ARHGAP22: variants seen among roughly 807,000 people sequenced by gnomAD.
ARHGAP22 encodes the protein rho GTPase-activating protein 22.
In ARHGAP22, 48 loss-of-function variants were observed where a neutral mutation model predicts 59.1. The observed-to-expected ratio is 0.81, with a 90% CI of 0.64 to 1.03. ARHGAP22 has a LOEUF of 1.03. Among genes scored for constraint, ARHGAP22 ranks in the 50% least tolerant of loss-of-function variants. The pLI, the probability that ARHGAP22 is intolerant of heterozygous loss-of-function variation, is 0.00. For synonymous variants in ARHGAP22, 445 were observed against 416.4 expected, an observed-to-expected ratio of 1.07 and a Z score of -0.84; for missense variants, 1,015 against 958.7, an observed-to-expected ratio of 1.06 and a Z score of -0.78.
intron 1 of ARHGAP22, among the ~76,000 whole-genome samples, chr10:48,620,332 A>G (rs2061241596): frequency 6.6e-6 from 1 of 151,958 alleles, no homozygotes; most frequent in Non-Finnish European, 1.5e-5. Context: ...CATCTCAGAT[A>G]GGTAGGGCAT....
At chr10:48,642,768 C>T (rs1415048461) in intron 1 of ARHGAP22, among the ~76,000 whole-genome samples, 1 of 152,284 alleles carries the variant, frequency 6.6e-6, no homozygotes, top group African/African-American at 2.4e-5. Flanking sequence ...AGCTCCTGCA[C>T]AGCAAAAGAA....
chr10:48,600,367 C>A (rs1032366399), intron 1 of ARHGAP22, among the ~76,000 whole-genome samples: 1 of 152,110 alleles, frequency 6.6e-6, no homozygotes, highest in Admixed American at 6.5e-5. Context: ...GGAGACGAGC[C>A]AGGGTGACTG....
chr10:48,504,915 A>C (rs894519829), intron 3 of ARHGAP22, among the ~76,000 whole-genome samples: 3 of 151,878 alleles, frequency 2.0e-5, no homozygotes, highest in Non-Finnish European at 2.9e-5. Context: ...ATTGAGAGGA[A>C]ATTTGAGAGC....
intron 3 of ARHGAP22, among the ~76,000 whole-genome samples, chr10:48,536,016 A>G (rs1358398157): frequency 6.6e-6 from 1 of 152,226 alleles, no homozygotes; most frequent in Admixed American, 6.5e-5. Context: ...AGAAAGGCGC[A>G]GGATGGGGCC....
rs761553743 is a variant in ARHGAP22, at chr10:48,604,744, C to A, written c.34+19G>T. Reference sequence around the variant, plus strand: ...AGGCACATGCGGTGCCCAGAGAAACCCCAGAAAGTTGGACTTACCCCTCCT... The same window carrying A: ...AGGCACATGCGGTGCCCAGAGAAACACCAGAAAGTTGGACTTACCCCTCCT... On this transcript the variant is annotated intron_variant, in intron 1 of 9. Coordinates refer to ENST00000249601, the MANE Select transcript of ARHGAP22 (RefSeq NM_021226.4). 6.2e-7 allele frequency: 1 copy of A among 1,614,230 alleles called. No homozygotes were observed. The highest frequency in any genetic ancestry group is 1.7e-5 in the Admixed American group (1 of 60,030).
chr10:48,443,349 GGCGATAGGCCCTCAGA>G (rs1353693419), downstream of ARHGAP22, among the ~76,000 whole-genome samples: 4 of 152,104 alleles, frequency 2.6e-5, no homozygotes, highest in East Asian at 5.8e-4. Flanking sequence ...TCTCACCATG[GGCGATAGGCCCTCAGA>G]GTATCTGGCC....
At chr10:48,463,595 C>T (rs1033107883) in intron 4 of ARHGAP22, among the ~76,000 whole-genome samples, 79 of 152,284 alleles carry the variant, frequency 5.2e-4, no homozygotes, top group African/African-American at 1.9e-3. Context: ...TGGGTAGGGC[C>T]TTCTCCCTGG....
upstream of ARHGAP22, among the ~76,000 whole-genome samples, chr10:48,654,726 C>T (rs370216841): frequency 2.0e-5 from 3 of 152,058 alleles, no homozygotes; most frequent in East Asian, 3.9e-4. Flanking sequence ...GAGAGAGAGA[C>T]AGAGGGAGAG....
At chr10:48,610,743 C>T (rs960726618) in intron 1 of ARHGAP22, among the ~76,000 whole-genome samples, 2 of 152,282 alleles carry the variant, frequency 1.3e-5, no homozygotes, top group South Asian at 2.1e-4. Context: ...ACTGGCGCTC[C>T]GAGCAGATGA....
chr10:48,549,368 G>C (rs1024984300), intron 3 of ARHGAP22, among the ~76,000 whole-genome samples: 4 of 152,134 alleles, frequency 2.6e-5, no homozygotes, highest in African/African-American at 9.7e-5. Context: ...CTTGGGGCTG[G>C]AAGCTAGGTA....
At chr10:48,509,105 T>C (rs1210715408) in intron 3 of ARHGAP22, among the ~76,000 whole-genome samples, 1 of 152,236 alleles carries the variant, frequency 6.6e-6, no homozygotes, top group African/African-American at 2.4e-5. Flanking sequence ...TCCACCCAAC[T>C]GTAGCTGAGC....
chr10:48,491,859 C>G (rs961198595), intron 3 of ARHGAP22, among the ~76,000 whole-genome samples: 1 of 152,214 alleles, frequency 6.6e-6, no homozygotes, highest in Non-Finnish European at 1.5e-5. Context: ...TGTGTATGTA[C>G]CAGGGAACTA....
In ARHGAP22 at chr10:48,475,792, A is replaced by C. The variant is rs146029286; in HGVS notation, c.451+3844T>G. ...ACATGACAGCCAGAAGGATCCTGGTAGAAGATGGGCCAGGTTCTGCCACTT... is the reference window on the plus strand; with the variant it reads ...ACATGACAGCCAGAAGGATCCTGGTCGAAGATGGGCCAGGTTCTGCCACTT... On this transcript the variant is annotated intron_variant, in intron 4 of 9. Transcript: ENST00000249601. Among the ~76,000 whole-genome samples the C allele has an allele frequency of 9.9e-4, 151 of 152,322 alleles. 1 individual carries two copies. Among genetic ancestry groups the C allele is most frequent in the African/African-American group, 3.5e-3 (144 of 41,582 alleles).
chr10:48,530,945 C>G (rs901337049), intron 3 of ARHGAP22, among the ~76,000 whole-genome samples: 12 of 152,146 alleles, frequency 7.9e-5, no homozygotes, highest in Admixed American at 7.9e-4. Flanking sequence ...GAAAGTAAGT[C>G]ATTATATGAA....
chr10:48,564,072 T>C (rs1338968190), intron 2 of ARHGAP22, among the ~76,000 whole-genome samples: 1 of 152,232 alleles, frequency 6.6e-6, no homozygotes, highest in Non-Finnish European at 1.5e-5. Context: ...TCTCATACAC[T>C]TTTGATACAT....
chr10:48,563,187 A>ATTTTTTTTTTTTTTTTTTTT lies in ARHGAP22; in HGVS notation c.235-7657_235-7638dup, dbSNP rs558735630. On this transcript the variant is annotated intron_variant, in intron 2 of 9. Transcript: ENST00000249601. ...AGATCCACTTGGATAATCCAGGATA[A>ATTTTTTTTTTTTTTTTTTTT]TTTTTTTTTTTTTTTTTTTTTTTTG... Among the ~76,000 whole-genome samples the ATTTTTTTTTTTTTTTTTTTT allele has an allele frequency of 1.9e-5, 2 of 104,214 alleles. 1 individual carries two copies. The highest frequency in any genetic ancestry group is 3.7e-5 in the Non-Finnish European group (2 of 54,516). The allele number at this position is 104,214 out of a possible 152,430, so 68.4% of individuals were successfully genotyped here.
Position 48,583,137 on chromosome 10 carries a change from A to G in ARHGAP22, c.50T>C (p.Leu17Pro). 6.2e-7 allele frequency: 1 copy of G among 1,614,024 alleles called. No homozygotes were observed. ...RQARRARSKS[L>P]VMGEQSRSPG... ...GCTCCGGCTCTGCTCCCCCATCACTAGGCTTTTGGAGCGGGCTGAAAGCCA... is the reference window on the plus strand; with the variant it reads ...GCTCCGGCTCTGCTCCCCCATCACTGGGCTTTTGGAGCGGGCTGAAAGCCA... Residue 17 changes from leucine (L) to proline (P), a missense_variant, in exon 2 of 10, where the codon CTA becomes CCA. Physicochemically the swap from Leu to Pro is moderately conservative, Grantham distance 98. Coordinates refer to ENST00000249601, the MANE Select transcript of ARHGAP22 (RefSeq NM_021226.4).
Position 48,454,177 on chromosome 10 carries a change from C to A in ARHGAP22, c.793-16G>T. The A allele has an allele frequency of 1.2e-6, 2 of 1,611,414 alleles. No individual in the cohort carries two copies. The highest frequency in any genetic ancestry group is 1.7e-5 in the Admixed American group (1 of 60,020). On this transcript the variant is annotated splice_polypyrimidine_tract_variant and intron_variant, in intron 6 of 9. Transcript: ENST00000249601. ...CCAGAGTGCCCTTAGGAATGAAGAA[C>A]AGAATTTCAAACACCGGCAATGAGG...
At chr10:48,480,133 T>A (rs2049151866) in intron 3 of ARHGAP22, among the ~76,000 whole-genome samples, 1 of 152,244 alleles carries the variant, frequency 6.6e-6, no homozygotes, top group Non-Finnish European at 1.5e-5. Flanking sequence ...TTGCCCATTT[T>A]AAGAACACAG....
Sources: gnomAD v4.1 joint callset for allele counts (sites outside exome capture counted in the v4.1 genomes callset) on GRCh38, gnomAD v4.1.1 for gene constraint, MANE v1.5 for transcripts, NCBI Gene and HGNC (gene_info 2026-07-23, HGNC 2026-07-21) for gene names.